Variants in AFG2A observed in about 807,000 individuals in gnomAD.
The protein encoded by AFG2A is ATPase family gene 2 protein homolog A.
At chr4:123,044,722 A>G in the AFG2A span, among the ~76,000 whole-genome samples, 1 of 151,036 alleles carries the variant, frequency 6.6e-6, no homozygotes, top group Admixed American at 6.6e-5. Flanking sequence ...CATATATTAA[A>G]CCTCTTAATA....
At chr4:122,939,075 CTTTTTTTTTTTTT>C in the AFG2A span, among the ~76,000 whole-genome samples, 3 of 102,226 alleles carry the variant, frequency 2.9e-5, no homozygotes, top group East Asian at 3.3e-4. Flanking sequence ...TATGTTCTTT[CTTTTTTTTTTTTT>C]TTTTTTTTTT....
At chr4:123,212,034 A>G in the AFG2A span, among the ~76,000 whole-genome samples, 3 of 152,132 alleles carry the variant, frequency 2.0e-5, no homozygotes, top group Admixed American at 6.6e-5. Context: ...ACATTTCTGT[A>G]CTGTTTGTTG....
the AFG2A span, among the ~76,000 whole-genome samples, chr4:123,147,261 T>C: frequency 6.6e-6 from 1 of 152,278 alleles, no homozygotes; most frequent in Non-Finnish European, 1.5e-5. Flanking sequence ...TGCCTAAAAC[T>C]GATCTGCTTG....
chr4:123,137,929 A>G, the AFG2A span, among the ~76,000 whole-genome samples: 2 of 152,146 alleles, frequency 1.3e-5, no homozygotes, highest in Non-Finnish European at 1.5e-5. Flanking sequence ...TGAAGTTTCT[A>G]TACATTAGTA....
the AFG2A span, among the ~76,000 whole-genome samples, chr4:123,005,218 A>G: frequency 6.6e-5 from 10 of 151,998 alleles, no homozygotes; most frequent in African/African-American, 2.4e-4. Flanking sequence ...TGGCATGATC[A>G]CAGCTCACTG....
the AFG2A span, among the ~76,000 whole-genome samples, chr4:122,960,335 T>C: frequency 6.6e-6 from 1 of 152,204 alleles, no homozygotes; most frequent in Non-Finnish European, 1.5e-5. Context: ...ATATTAATTA[T>C]GTAGCAGTGA....
chr4:123,217,257 C>G, the AFG2A span, among the ~76,000 whole-genome samples: 1 of 152,136 alleles, frequency 6.6e-6, no homozygotes, highest in Non-Finnish European at 1.5e-5. Context: ...TGCCTTTTGA[C>G]AGATGTGAGG....
the AFG2A span, among the ~76,000 whole-genome samples, chr4:123,296,135 A>G: frequency 6.6e-6 from 1 of 151,968 alleles, no homozygotes; most frequent in Non-Finnish European, 1.5e-5. Context: ...GAGCAGCCAT[A>G]CATTATGTGC....
chr4:123,189,136 A>G, the AFG2A span, among the ~76,000 whole-genome samples: 1 of 152,240 alleles, frequency 6.6e-6, no homozygotes, highest in African/African-American at 2.4e-5. Flanking sequence ...GTTCATTATA[A>G]GTATATGAGG....
At chr4:123,007,594 GTGTGTGTGTGTGTGTATATA>G in the AFG2A span, among the ~76,000 whole-genome samples, 6 of 23,720 alleles carry the variant, frequency 2.5e-4, no homozygotes, top group African/African-American at 2.2e-3. Flanking sequence ...GTGTGTGTGT[GTGTGTGTGTGTGTGTATATA>G]TATATATATA....
the AFG2A span, among the ~76,000 whole-genome samples, chr4:123,059,140 A>G: frequency 1.4e-4 from 20 of 144,168 alleles, no homozygotes; most frequent in African/African-American, 4.6e-4. Context: ...TTTCTTTTTT[A>G]TTTTATTTTA....
the AFG2A span, among the ~76,000 whole-genome samples, chr4:123,015,186 C>CTTTTT: frequency 8.3e-5 from 11 of 132,710 alleles, no homozygotes; most frequent in Non-Finnish European, 1.3e-4. Flanking sequence ...ATTTTTCTTT[C>CTTTTT]TTTTTTTTTT....
the AFG2A span, among the ~76,000 whole-genome samples, chr4:123,028,643 T>G: frequency 1.3e-5 from 2 of 152,226 alleles, no homozygotes; most frequent in African/African-American, 4.8e-5. Flanking sequence ...CTGGTATTTC[T>G]TATATCCATG....
At chr4:123,187,293 A>G in the AFG2A span, among the ~76,000 whole-genome samples, 3 of 152,134 alleles carry the variant, frequency 2.0e-5, no homozygotes, top group African/African-American at 7.2e-5. Flanking sequence ...ATCTAATGGA[A>G]CTTTTTTGAA....
At chr4:123,137,970 G>A in the AFG2A span, among the ~76,000 whole-genome samples, 1 of 152,112 alleles carries the variant, frequency 6.6e-6, no homozygotes, top group South Asian at 2.1e-4. Context: ...AGGTCAAGAA[G>A]ATAGGGAAAA....
chr4:123,269,849 G>A, the AFG2A span, among the ~76,000 whole-genome samples: 4 of 152,148 alleles, frequency 2.6e-5, no homozygotes, highest in African/African-American at 7.2e-5. Flanking sequence ...ATGGAGTCTC[G>A]CTCTGTCGCC....
chr4:123,100,862 T>C, the AFG2A span, among the ~76,000 whole-genome samples: 1 of 151,962 alleles, frequency 6.6e-6, no homozygotes, highest in Non-Finnish European at 1.5e-5. Flanking sequence ...AATTAGCTCC[T>C]CTAAGTTTCT....
the AFG2A span, among the ~76,000 whole-genome samples, chr4:122,983,683 T>G: frequency 1.2e-4 from 18 of 152,248 alleles, no homozygotes; most frequent in African/African-American, 4.3e-4. Flanking sequence ...GATATGATTT[T>G]AGTCTTCTTA....
At chr4:122,939,021 T>G in the AFG2A span, among the ~76,000 whole-genome samples, 3 of 149,404 alleles carry the variant, frequency 2.0e-5, no homozygotes, top group Non-Finnish European at 4.4e-5. Flanking sequence ...TGTATAACAT[T>G]TAAAAAAAAA....
Sources: gnomAD v4.1 joint callset for allele counts (sites outside exome capture counted in the v4.1 genomes callset) on GRCh38, gnomAD v4.1.1 for gene constraint, MANE v1.5 for transcripts, NCBI Gene and HGNC (gene_info 2026-07-23, HGNC 2026-07-21) for gene names.